Variants in MPP7 observed in about 807,000 individuals in gnomAD.
MPP7 encodes MAGUK p55 subfamily member 7.
Under a neutral mutation model 76.5 loss-of-function variants are expected in MPP7, and 60 were observed. The observed-to-expected ratio is 0.78, with a 90% confidence interval of 0.64 to 0.97. The LOEUF (loss-of-function observed/expected upper bound fraction) is 0.97. Ranked by LOEUF, MPP7 falls within the 50% of genes least tolerant of loss-of-function variation. MPP7 has a pLI of 0.00. For missense variants in MPP7, 641 were observed against 694.0 expected, an observed-to-expected ratio of 0.92 and a Z score of 0.86; for synonymous variants, 237 against 244.5, an observed-to-expected ratio of 0.97 and a Z score of 0.29.
In MPP7 at chr10:28,056,545, C is replaced by T; in HGVS notation, c.1486G>A (p.Glu496Lys). The change falls in exon 16 of 17, where the codon GAA becomes AAA. Residue 496 changes from glutamate (E) to lysine (K), a missense_variant. Transcript: ENST00000683449. ...ATAATCTTTGCATTTTTTCTTGTTT[C>T]TCTCAAACGCTCTATTGATGGAGGC... is the stretch of plus-strand genomic sequence containing the variant. ...IKPPSIERLRETRKNAKIISS... is the reference protein window; with the variant it reads ...IKPPSIERLRKTRKNAKIISS... The T allele has an allele frequency of 6.2e-7, 1 of 1,612,206 alleles. No individual in the cohort carries two copies. Among genetic ancestry groups the T allele is most frequent in the Non-Finnish European group, 8.5e-7 (1 of 1,179,646 alleles).
intron 11 of MPP7, among the ~76,000 whole-genome samples, chr10:28,098,134 C>T (rs1268602737): frequency 6.6e-6 from 1 of 151,926 alleles, no homozygotes; most frequent in Non-Finnish European, 1.5e-5. Flanking sequence ...ACTACCTATA[C>T]TATAATTTCA....
chr10:28,315,121 C>G lies in MPP7; in HGVS notation c.-132+14808G>C, dbSNP rs569981117. ...TGTGATTGCACAACTGCACTCCAGC[C>G]TGGGTGACAGCCTGGAGACCCTGTG... is the stretch of plus-strand genomic sequence containing the variant. On this transcript the variant is annotated intron_variant, in intron 2 of 11. Transcript: ENST00000441595. Among the ~76,000 whole-genome samples, 12 of 151,236 alleles carry G rather than the reference C, an allele frequency of 7.9e-5. No individual in the cohort carries two copies. In the East Asian group the frequency reaches 2.3e-3, roughly 30 times the overall value.
At chr10:28,084,145 C>A (rs1360033712) in intron 12 of MPP7, among the ~76,000 whole-genome samples, 2 of 152,134 alleles carry the variant, frequency 1.3e-5, no homozygotes, top group Non-Finnish European at 2.9e-5. Flanking sequence ...TATTGCTGAG[C>A]AAATCCTGAA....
intron 1 of MPP7, among the ~76,000 whole-genome samples, chr10:28,280,925 G>A (rs925865074): frequency 5.3e-5 from 8 of 152,050 alleles, no homozygotes; most frequent in Non-Finnish European, 1.2e-4. Context: ...ACATTCCTGT[G>A]TCTGACTAGA....
At chr10:28,225,121 A>C (rs1008079110) in intron 2 of MPP7, among the ~76,000 whole-genome samples, 6 of 152,206 alleles carry the variant, frequency 3.9e-5, no homozygotes, top group Admixed American at 1.3e-4. Context: ...GAATTTCCAC[A>C]TACAGAAGAA....
At chr10:28,307,307 CT>C (rs139944313), upstream of MPP7, among the ~76,000 whole-genome samples, 1,084 of 152,276 alleles carry the variant, frequency 7.1e-3, 6 homozygotes, top group Non-Finnish European at 0.01. Context: ...ACCCAGTACC[CT>C]TGTGTGTTCC....
intron 11 of MPP7, among the ~76,000 whole-genome samples, chr10:28,103,188 G>A (rs1361111103): frequency 6.7e-6 from 1 of 149,228 alleles, no homozygotes; most frequent in Non-Finnish European, 1.5e-5. Context: ...ACACTGTGGG[G>A]GCCTGTACAC....
chr10:28,239,529 A>C (rs1206491038), intron 1 of MPP7, among the ~76,000 whole-genome samples: 1 of 152,172 alleles, frequency 6.6e-6, no homozygotes, highest in Non-Finnish European at 1.5e-5. Context: ...CCTTGAAGGA[A>C]TATTTACTAG....
At chr10:28,156,346 T>C in intron 3 of MPP7, among the ~76,000 whole-genome samples, 1 of 152,220 alleles carries the variant, frequency 6.6e-6, no homozygotes, top group East Asian at 1.9e-4. Flanking sequence ...CCCTGCTCGC[T>C]TCCACTGGTG....
chr10:28,284,316 G>T (rs370823222), intron 1 of MPP7, among the ~76,000 whole-genome samples: 54 of 152,174 alleles, frequency 3.5e-4, no homozygotes, highest in African/African-American at 1.2e-3. Context: ...ATCTTCTGTT[G>T]TCTAGGCACC....
chr10:28,119,762 C>G, intron 10 of MPP7, 47 bp from the exon 11 acceptor site: 1 of 1,438,568 alleles, frequency 7.0e-7, no homozygotes, highest in Non-Finnish European at 9.7e-7. Flanking sequence ...AGCACAGGTC[C>G]GAGGTGAATA....
At chr10:28,329,371 G>A (rs1053451953) in intron 2 of MPP7, among the ~76,000 whole-genome samples, 4 of 152,086 alleles carry the variant, frequency 2.6e-5, no homozygotes, top group African/African-American at 7.2e-5. Flanking sequence ...TTACACGCCT[G>A]TAATCCCAGC....
intron 2 of MPP7, among the ~76,000 whole-genome samples, chr10:28,219,536 C>T (rs1392406743): frequency 6.6e-6 from 1 of 152,036 alleles, no homozygotes; most frequent in African/African-American, 2.4e-5. Flanking sequence ...CTGGGGAAGC[C>T]ATAAACCTAT....
At chr10:28,142,974 T>C (rs1164312573) in intron 5 of MPP7, among the ~76,000 whole-genome samples, 2 of 152,036 alleles carry the variant, frequency 1.3e-5, no homozygotes, top group African/African-American at 4.8e-5. Context: ...TCCTCTAATA[T>C]ACAAAAGATG....
At chr10:28,148,151 A>G (rs2133765365) in intron 4 of MPP7, among the ~76,000 whole-genome samples, 1 of 152,332 alleles carries the variant, frequency 6.6e-6, no homozygotes, top group African/African-American at 2.4e-5. Context: ...TTGTAAAATG[A>G]GCTATAATGG....
intron 5 of MPP7, among the ~76,000 whole-genome samples, chr10:28,135,279 T>C (rs1485898460): frequency 1.3e-5 from 2 of 152,170 alleles, no homozygotes; most frequent in Non-Finnish European, 2.9e-5. Flanking sequence ...GGGTGGCAGA[T>C]ACAGAATTTG....
intron 3 of MPP7, among the ~76,000 whole-genome samples, chr10:28,157,253 AC>A (rs1836097051): frequency 6.6e-6 from 1 of 152,026 alleles, no homozygotes; most frequent in South Asian, 2.1e-4. Flanking sequence ...AAAAAGAGTA[AC>A]CGTCAGAGTC....
intron 3 of MPP7, among the ~76,000 whole-genome samples, chr10:28,161,479 A>T (rs1479107004): frequency 6.6e-6 from 1 of 152,114 alleles, no homozygotes; most frequent in Non-Finnish European, 1.5e-5. Context: ...AGAACATGAA[A>T]GCTGCTATTA....
In MPP7 at chr10:28,274,163, C is replaced by T. The variant is rs1286925440; in HGVS notation, c.-132+28698G>A. Among the ~76,000 whole-genome samples the T allele has an allele frequency of 4.3e-5, 6 of 139,384 alleles. No individual in the cohort carries two copies. The South Asian group carries it at 8.9e-4, about 21-fold the overall frequency. The allele number at this position is 139,384 out of a possible 152,430, so 91.4% of individuals were successfully genotyped here. A position where few individuals can be genotyped will look rare whatever the true frequency, so the allele number is the denominator to read the frequency against. On this transcript the variant is annotated intron_variant, in intron 1 of 16. Transcript: ENST00000683449. ...TGTCACCCAGGCTGGAGTGCAGTGG[C>T]GCAGTCTCGGCTCACTGCAAGCTCT...
Sources: gnomAD v4.1 joint callset for allele counts (sites outside exome capture counted in the v4.1 genomes callset) on GRCh38, gnomAD v4.1.1 for gene constraint, MANE v1.5 for transcripts, NCBI Gene and HGNC (gene_info 2026-07-23, HGNC 2026-07-21) for gene names.